The following LMBR1 variants were observed in gnomAD, a reference collection of about 807,000 sequenced individuals.
The protein encoded by LMBR1 is limb region 1 protein homolog.
Under a neutral mutation model 73.9 loss-of-function variants are expected in LMBR1, and 52 were observed. The ratio of observed to expected loss-of-function variants is 0.70; its 90% CI spans 0.56 to 0.89. LMBR1 has a LOEUF of 0.89. Ranked by LOEUF, LMBR1 falls within the 40% of genes least tolerant of loss-of-function variation. The pLI is 0.00. For synonymous variants in LMBR1, 215 were observed against 209.4 expected (o/e 1.03, Z -0.23); for missense variants, 539 against 579.8 (o/e 0.93, Z 0.72).
Position 156,791,213 on chromosome 7 carries a change from T to C in LMBR1, c.423+5176A>G, listed in dbSNP as rs140304968. On this transcript the variant is annotated intron_variant, in intron 5 of 16. Transcript: ENST00000353442. ...GGGTTCCCAGCAGGGGCTTCCCTTTTGTCTGTGATTTCCTCTCACCCACCA... is the reference window on the plus strand; with the variant it reads ...GGGTTCCCAGCAGGGGCTTCCCTTTCGTCTGTGATTTCCTCTCACCCACCA... Among the ~76,000 whole-genome samples, 179 of 152,342 alleles carry C rather than the reference T, an allele frequency of 1.2e-3. No individual in the cohort carries two copies. Among genetic ancestry groups the C allele is most frequent in the African/African-American group, 4.2e-3 (175 of 41,576 alleles).
intron 1 of LMBR1, among the ~76,000 whole-genome samples, chr7:156,873,032 C>A (rs1328313134): frequency 2.0e-5 from 3 of 150,940 alleles, no homozygotes; most frequent in South Asian, 2.1e-4. Flanking sequence ...GTTGGCACGT[C>A]TGGAGTCTGT....
chr7:156,707,493 C>T (rs142024278), intron 15 of LMBR1, among the ~76,000 whole-genome samples: 51 of 152,180 alleles, frequency 3.4e-4, no homozygotes, highest in African/African-American at 1.2e-3. Context: ...AAACTGAATC[C>T]AACAGCACAT....
intron 16 of LMBR1, among the ~76,000 whole-genome samples, chr7:156,686,285 C>T (rs1805995706): frequency 6.6e-6 from 1 of 152,130 alleles, no homozygotes; most frequent in African/African-American, 2.4e-5. Flanking sequence ...CCACCATCAC[C>T]ACAGCTAAAT....
chr7:156,873,787 A>G (rs565672637), intron 1 of LMBR1, among the ~76,000 whole-genome samples: 2 of 152,328 alleles, frequency 1.3e-5, no homozygotes, highest in Non-Finnish European at 2.9e-5. Flanking sequence ...AAGGTTCTCC[A>G]AGGCCCCACC....
intron 10 of LMBR1, among the ~76,000 whole-genome samples, chr7:156,731,773 T>C (rs1023640589): frequency 9.2e-5 from 14 of 152,090 alleles, no homozygotes; most frequent in African/African-American, 3.4e-4. Flanking sequence ...ACTAAGTCAG[T>C]AAAAATTTTA....
At chr7:156,675,782 A>T, downstream of LMBR1, 1 of 1,614,116 alleles carries the variant, frequency 6.2e-7, no homozygotes, top group South Asian at 1.1e-5. Context: ...GCTTGGCCAT[A>T]AATCGAAGTG....
At chr7:156,799,531 T>A (rs112439414) in intron 4 of LMBR1, among the ~76,000 whole-genome samples, 4,845 of 151,918 alleles carry the variant, frequency 0.032, 123 homozygotes, top group South Asian at 0.085. Context: ...TTGTGTGTGT[T>A]GACTGCACCT....
At chr7:156,815,026 C>T (rs1833678989) in intron 4 of LMBR1, among the ~76,000 whole-genome samples, 1 of 151,874 alleles carries the variant, frequency 6.6e-6, no homozygotes, top group African/African-American at 2.4e-5. Context: ...CATGGTGGCA[C>T]ACGCCTATAA....
chr7:156,727,520 A>G (rs1816007234), intron 12 of LMBR1, among the ~76,000 whole-genome samples: 1 of 152,222 alleles, frequency 6.6e-6, no homozygotes, highest in Non-Finnish European at 1.5e-5. Context: ...CACCTGGAGC[A>G]TGATGGTGGG....
intron 1 of LMBR1, among the ~76,000 whole-genome samples, chr7:156,853,144 T>C (rs988714470): frequency 6.6e-6 from 1 of 151,730 alleles, no homozygotes; most frequent in Non-Finnish European, 1.5e-5. Context: ...TTCACTGTGT[T>C]AGCCAGGATG....
At chr7:156,703,477 A>G (rs1328454558) in intron 15 of LMBR1, among the ~76,000 whole-genome samples, 1 of 152,132 alleles carries the variant, frequency 6.6e-6, no homozygotes, top group Non-Finnish European at 1.5e-5. Context: ...GCAAACTTCT[A>G]GGACTGACTA....
intron 5 of LMBR1, among the ~76,000 whole-genome samples, chr7:156,794,183 C>T (rs1310106648): frequency 6.6e-6 from 1 of 152,166 alleles, no homozygotes; most frequent in Non-Finnish European, 1.5e-5. Flanking sequence ...ATTTCAGTCC[C>T]ATTTGAGGTC....
intron 5 of LMBR1, among the ~76,000 whole-genome samples, chr7:156,771,316 GTAGA>G (rs1219926504): frequency 6.6e-6 from 1 of 151,914 alleles, no homozygotes; most frequent in Non-Finnish European, 1.5e-5. Context: ...AAAAAATAAG[GTAGA>G]TAGACTGCTA....
intron 4 of LMBR1, among the ~76,000 whole-genome samples, chr7:156,817,091 C>T (rs930959073): frequency 6.6e-6 from 1 of 152,096 alleles, no homozygotes; most frequent in African/African-American, 2.4e-5. Context: ...AGTTATTTAA[C>T]TGTGGTTTAA....
chr7:156,871,772 C>G (rs1174094825), intron 1 of LMBR1, among the ~76,000 whole-genome samples: 1 of 152,110 alleles, frequency 6.6e-6, no homozygotes, highest in Non-Finnish European at 1.5e-5. Context: ...CAACAAACTA[C>G]AAACAAATGG....
chr7:156,841,437 T>C (rs1290622494), intron 1 of LMBR1, among the ~76,000 whole-genome samples: 1 of 151,598 alleles, frequency 6.6e-6, no homozygotes. Context: ...TCCCAGGGAG[T>C]AAGTATAGCC....
At chr7:156,783,671 T>C (rs1000857541) in intron 5 of LMBR1, among the ~76,000 whole-genome samples, 2 of 152,230 alleles carry the variant, frequency 1.3e-5, no homozygotes, top group Non-Finnish European at 2.9e-5. Flanking sequence ...ATTTTTTTAT[T>C]TGAATAATCT....
chr7:156,809,708 C>T (rs977789304), intron 4 of LMBR1, among the ~76,000 whole-genome samples: 1 of 152,158 alleles, frequency 6.6e-6, no homozygotes, highest in African/African-American at 2.4e-5. Context: ...ACTGTCACAA[C>T]GTCATCTGGC....
downstream of LMBR1, among the ~76,000 whole-genome samples, chr7:156,674,273 G>A (rs1182894420): frequency 6.6e-6 from 1 of 152,176 alleles, no homozygotes; most frequent in African/African-American, 2.4e-5. Context: ...CGGGCCTGGA[G>A]AACACCCAGA....
Sources: gnomAD v4.1 joint callset for allele counts (sites outside exome capture counted in the v4.1 genomes callset) on GRCh38, gnomAD v4.1.1 for gene constraint, MANE v1.5 for transcripts, NCBI Gene and HGNC (gene_info 2026-07-23, HGNC 2026-07-21) for gene names.